TIPRL: variants seen among roughly 807,000 people sequenced by gnomAD.
The protein encoded by TIPRL is TOR signaling pathway regulator, also known as TIP41-like protein.
A neutral mutation model predicts 32.3 loss-of-function variants in TIPRL; 10 were observed. The ratio of observed to expected loss-of-function variants is 0.31; its 90% CI spans 0.19 to 0.52. TIPRL has a LOEUF of 0.52. TIPRL is among the 20% of genes least tolerant of loss of function. The pLI is 0.96. For synonymous variants in TIPRL, 100 were observed against 114.0 expected, an observed-to-expected ratio of 0.88 and a Z score of 0.78; for missense variants, 250 against 328.1, an observed-to-expected ratio of 0.76 and a Z score of 1.84.
intron 4 of TIPRL, among the ~76,000 whole-genome samples, chr1:168,193,440 A>T (rs1700121873): frequency 1.3e-5 from 2 of 152,226 alleles, no homozygotes; most frequent in African/African-American, 4.8e-5. Context: ...GCTCACTTAT[A>T]ACTCTAAATT....
chr1:168,184,660 A>G (rs1700005626), intron 2 of TIPRL, 119 bp from the exon 3 acceptor site: 1 of 713,854 alleles, frequency 1.4e-6, no homozygotes, highest in Non-Finnish European at 2.4e-6. Context: ...GTGAATTATA[A>G]CAAGTGTATA....
At position 168,183,965 on chromosome 1, in the gene TIPRL, A is replaced by T; in HGVS notation, c.168A>T (p.Arg56Ser). 2 of 1,614,138 alleles carry T rather than the reference A, an allele frequency of 1.2e-6. No homozygotes were observed. Among genetic ancestry groups the T allele is most frequent in the South Asian group, 2.2e-5 (2 of 91,086 alleles). Residue 56 changes from arginine (R) to serine (S), a missense_variant, in exon 2 of 7, where the codon AGA becomes AGT. Coordinates refer to ENST00000367833, the MANE Select transcript of TIPRL (RefSeq NM_152902.5). ...PEMMFGDNVL[R>S]IQHGSGFGIE... ...TGATGTTTGGAGACAACGTTTTAAG[A>T]ATCCAGCATGGGTCTGGCTTTGGAA...
In TIPRL at chr1:168,179,039, A is replaced by T. The variant is rs1699926437; in HGVS notation, c.-39A>T. Reference sequence around the variant, plus strand: ...CGGTGTTCGCCGCCGCCGCTGCTTCAGCTTATTCCTTGTGGCCTCTGCGGG... The same window carrying T: ...CGGTGTTCGCCGCCGCCGCTGCTTCTGCTTATTCCTTGTGGCCTCTGCGGG... On this transcript the variant is annotated 5_prime_UTR_variant, in exon 1 of 7. Coordinates refer to ENST00000367833, the MANE Select transcript of TIPRL (RefSeq NM_152902.5). 3 of 1,577,636 alleles carry T rather than the reference A, an allele frequency of 1.9e-6. No individual in the cohort carries two copies. Among genetic ancestry groups the T allele is most frequent in the Admixed American group, 1.7e-5 (1 of 58,800 alleles).
intron 3 of TIPRL, among the ~76,000 whole-genome samples, chr1:168,186,115 A>G (rs1194458968): frequency 6.8e-6 from 1 of 147,780 alleles, no homozygotes; most frequent in African/African-American, 2.5e-5. Context: ...AGAGAGATTC[A>G]TGGTAAATAA....
rs530840370 is a variant in TIPRL, at chr1:168,196,560, C to G, written c.530C>G (p.Ser177Cys). The G allele has an allele frequency of 1.8e-5, 29 of 1,572,050 alleles. No individual in the cohort carries two copies. The highest frequency in any genetic ancestry group is 2.4e-5 in the Non-Finnish European group (28 of 1,161,080). ...SLSVKIRVMP[S>C]SFFLLLRFFL... Reference sequence around the variant, plus strand: ...TTTTTTTTCCAGAGAGTAATGCCTTCTAGCTTTTTCCTGCTGTTGCGGTTT... The same window carrying G: ...TTTTTTTTCCAGAGAGTAATGCCTTGTAGCTTTTTCCTGCTGTTGCGGTTT... Residue 177 changes from serine (S) to cysteine (C), a missense_variant, in exon 5 of 7, where the codon TCT becomes TGT. Transcript: ENST00000367833.
chr1:168,201,241 G>C lies in TIPRL; in HGVS notation c.*1195G>C, dbSNP rs1700204740. The C allele has an allele frequency of 6.6e-6, 1 of 151,992 alleles. No individual in the cohort carries two copies. Among genetic ancestry groups the C allele is most frequent in the Non-Finnish European group, 1.5e-5 (1 of 67,960 alleles). The allele number at this position is 151,992 out of a possible 1,614,324, so 9.4% of individuals were successfully genotyped here. On this transcript the variant is annotated 3_prime_UTR_variant, in exon 7 of 7. Transcript: ENST00000367833. ...AGTGGATTTTTAAAAATATTTTTTT[G>C]AAGGGCAGGGGGAAAATTCACCCCT...
chr1:168,182,451 C>T (rs1407418721), intron 1 of TIPRL, among the ~76,000 whole-genome samples: 1 of 152,106 alleles, frequency 6.6e-6, no homozygotes, highest in Non-Finnish European at 1.5e-5. Flanking sequence ...CATGGTGAAA[C>T]CCTGTTTCTA....
chr1:168,180,695 C>T (rs1699949385), intron 1 of TIPRL, among the ~76,000 whole-genome samples: 1 of 151,398 alleles, frequency 6.6e-6, no homozygotes, highest in African/African-American at 2.4e-5. Context: ...TTCTAGTAGA[C>T]TCACTGAAAA....
intron 3 of TIPRL, among the ~76,000 whole-genome samples, chr1:168,185,200 C>T (rs1700012013): frequency 6.6e-6 from 1 of 152,174 alleles, no homozygotes; most frequent in African/African-American, 2.4e-5. Flanking sequence ...TAGACAGAAC[C>T]TGCTAGCTTG....
chr1:168,181,471 C>T (rs1053109232), intron 1 of TIPRL, among the ~76,000 whole-genome samples: 9 of 151,864 alleles, frequency 5.9e-5, no homozygotes, highest in Non-Finnish European at 1.2e-4. Context: ...CTCGGCCTCC[C>T]AAAGTGCTGG....
At position 168,200,125 on chromosome 1, in the gene TIPRL, A is replaced by T. The variant is rs1166537923; in HGVS notation, c.*79A>T. On this transcript the variant is annotated 3_prime_UTR_variant, in exon 7 of 7. Transcript: ENST00000367833. ...TGTAAGGGGTTATTTTTATTATGAGAATTAATTGCCTTGTTTATGTACAGA... is the reference window on the plus strand; with the variant it reads ...TGTAAGGGGTTATTTTTATTATGAGTATTAATTGCCTTGTTTATGTACAGA... 6 of 1,459,228 alleles carry T rather than the reference A, an allele frequency of 4.1e-6. No homozygotes were observed. In the African/African-American group the frequency reaches 8.6e-5, roughly 21 times the overall value. The allele number at this position is 1,459,228 out of a possible 1,614,324, so 90.4% of individuals were successfully genotyped here. A position where few individuals can be genotyped will look rare whatever the true frequency, so the allele number is the denominator to read the frequency against.
intron 1 of TIPRL, among the ~76,000 whole-genome samples, chr1:168,182,500 C>T (rs556307023): frequency 5.8e-4 from 89 of 152,282 alleles, no homozygotes; most frequent in Non-Finnish European, 1.1e-3. Flanking sequence ...GTGGCACGTG[C>T]CTGTAATCCC....
chr1:168,193,714 C>T (rs1700123947), intron 4 of TIPRL, among the ~76,000 whole-genome samples: 1 of 152,148 alleles, frequency 6.6e-6, no homozygotes, highest in Non-Finnish European at 1.5e-5. Flanking sequence ...AAGTCTTAAA[C>T]TGAAGAGCAT....
At chr1:168,190,641 A>G (rs1700085745) in intron 3 of TIPRL, among the ~76,000 whole-genome samples, 2 of 152,302 alleles carry the variant, frequency 1.3e-5, no homozygotes, top group South Asian at 4.1e-4. Flanking sequence ...AGCATTTTGT[A>G]GTGAAATTAG....
chr1:168,190,119 C>A (rs1294438061), intron 3 of TIPRL, among the ~76,000 whole-genome samples: 2 of 152,156 alleles, frequency 1.3e-5, no homozygotes, highest in Admixed American at 1.3e-4. Context: ...CGTTGGCAGA[C>A]CAACTTTTGT....
chr1:168,185,769 C>CAA (rs749833672), intron 3 of TIPRL, among the ~76,000 whole-genome samples: 4 of 77,946 alleles, frequency 5.1e-5, no homozygotes, highest in Admixed American at 1.5e-4. Context: ...GACTCTGTCT[C>CAA]AAAAAAAAAA....
At chr1:168,190,979 A>G (rs1181988749) in intron 3 of TIPRL, among the ~76,000 whole-genome samples, 1 of 152,238 alleles carries the variant, frequency 6.6e-6, no homozygotes, top group African/African-American at 2.4e-5. Context: ...TAAGTTCCAT[A>G]TGAATGTCCT....
At chr1:168,186,789 C>G (rs185720542) in intron 3 of TIPRL, among the ~76,000 whole-genome samples, 442 of 152,238 alleles carry the variant, frequency 2.9e-3, no homozygotes, top group Admixed American at 7.2e-3. Context: ...GCCAAGATCA[C>G]GCCACAGTGC....
intron 1 of TIPRL, among the ~76,000 whole-genome samples, chr1:168,180,347 C>T (rs1699944653): frequency 6.6e-6 from 1 of 151,976 alleles, no homozygotes; most frequent in Non-Finnish European, 1.5e-5. Flanking sequence ...CAGATGGGGG[C>T]AGGGTGTTGG....
Sources: allele counts gnomAD v4.1 joint callset (sites outside exome capture counted in the v4.1 genomes callset), GRCh38; gene constraint gnomAD v4.1.1; transcripts MANE v1.5; gene names NCBI Gene and HGNC (gene_info 2026-07-23, HGNC 2026-07-21).